Variants in CACNA2D3 observed in about 807,000 individuals in gnomAD.
The protein encoded by CACNA2D3 is voltage-dependent calcium channel subunit alpha-2/delta-3.
Under a neutral mutation model 160.6 loss-of-function variants are expected in CACNA2D3, and 60 were observed. The ratio of observed to expected loss-of-function variants is 0.37; its 90% CI spans 0.30 to 0.46. The LOEUF (loss-of-function observed/expected upper bound fraction) is 0.46, where lower values mean the gene tolerates loss of function less well. CACNA2D3 is among the 20% of genes least tolerant of loss of function. The probability of loss-of-function intolerance (pLI) is 1.00; values close to 1 mark genes in which losing one functional copy is unlikely to be tolerated. For synonymous variants in CACNA2D3, 558 were observed against 492.9 expected, an observed-to-expected ratio of 1.13 and a Z score of -1.75; for missense variants, 1,205 against 1,365.0, an observed-to-expected ratio of 0.88 and a Z score of 1.85.
intron 2 of CACNA2D3, among the ~76,000 whole-genome samples, chr3:54,157,161 T>C (rs1700259022): frequency 6.6e-6 from 1 of 152,180 alleles, no homozygotes; most frequent in African/African-American, 2.4e-5. Flanking sequence ...TCACATGGTC[T>C]TTCCCCTGTG....
intron 27 of CACNA2D3, among the ~76,000 whole-genome samples, chr3:54,946,494 A>T (rs142269734): frequency 6.6e-6 from 1 of 152,180 alleles, no homozygotes; most frequent in Non-Finnish European, 1.5e-5. Context: ...AGGAGGGGGG[A>T]TGTGAGGGCC....
intron 2 of CACNA2D3, among the ~76,000 whole-genome samples, chr3:54,135,921 A>G (rs1404838476): frequency 6.6e-6 from 1 of 152,168 alleles, no homozygotes; most frequent in Non-Finnish European, 1.5e-5. Flanking sequence ...GGCCCGGGCC[A>G]GTGTATTGAG....
chr3:54,186,770 G>A (rs1461152633), intron 2 of CACNA2D3, among the ~76,000 whole-genome samples: 1 of 151,958 alleles, frequency 6.6e-6, no homozygotes, highest in East Asian at 1.9e-4. Context: ...AAATAAAGTG[G>A]GTGAATTAAA....
At chr3:54,539,529 T>A (rs1368677759) in intron 5 of CACNA2D3, among the ~76,000 whole-genome samples, 1 of 152,238 alleles carries the variant, frequency 6.6e-6, no homozygotes, top group East Asian at 1.9e-4. Flanking sequence ...TATTTCCATG[T>A]GAAGGTGTGC....
At chr3:54,227,782 C>T (rs1279566435) in intron 2 of CACNA2D3, among the ~76,000 whole-genome samples, 1 of 152,096 alleles carries the variant, frequency 6.6e-6, no homozygotes, top group Non-Finnish European at 1.5e-5. Context: ...ATTTCCTGAC[C>T]TCGTGATCCA....
intron 2 of CACNA2D3, among the ~76,000 whole-genome samples, chr3:54,254,318 G>A (rs2107429640): frequency 6.6e-6 from 1 of 152,218 alleles, no homozygotes; most frequent in East Asian, 1.9e-4. Context: ...ACAATCCAGT[G>A]CTTCCTCCCT....
intron 2 of CACNA2D3, among the ~76,000 whole-genome samples, chr3:54,206,664 A>G (rs897444710): frequency 4.6e-5 from 7 of 152,146 alleles, no homozygotes; most frequent in African/African-American, 1.7e-4. Context: ...GGTGAGCTAT[A>G]CTAGTAGGCT....
intron 4 of CACNA2D3, among the ~76,000 whole-genome samples, chr3:54,497,137 A>G (rs1210909946): frequency 6.6e-6 from 1 of 152,084 alleles, no homozygotes; most frequent in Non-Finnish European, 1.5e-5. Flanking sequence ...TTTTCAATTT[A>G]TATTAAAAAT....
At chr3:54,443,960 C>T (rs1430248246) in intron 4 of CACNA2D3, among the ~76,000 whole-genome samples, 4 of 152,124 alleles carry the variant, frequency 2.6e-5, no homozygotes, top group African/African-American at 7.2e-5. Context: ...TTCTGGACTT[C>T]CTCATTGTGT....
At chr3:54,346,291 C>G (rs1242276386) in intron 3 of CACNA2D3, among the ~76,000 whole-genome samples, 2 of 152,180 alleles carry the variant, frequency 1.3e-5, no homozygotes, top group African/African-American at 4.8e-5. Flanking sequence ...TGGTCCAACT[C>G]AGCACCAGGG....
chr3:55,073,658 AT>A lies in CACNA2D3; in HGVS notation c.3100+102del, dbSNP rs1265549211. On this transcript the variant is annotated intron_variant, in intron 36 of 37. Coordinates refer to ENST00000474759, the MANE Select transcript of CACNA2D3 (RefSeq NM_018398.3). The stretch of plus-strand genomic sequence containing the variant: ...AGAAATATTAGAGAAGGAAAATTAC[AT>A]CCTTTCCACTGTTGGAGAGAGAGAG... 14 of 1,218,356 alleles carry A rather than the reference AT, an allele frequency of 1.1e-5. No individual in the cohort carries two copies. In the African/African-American group the frequency reaches 2.0e-4, roughly 17 times the overall value. The allele number at this position is 1,218,356 out of a possible 1,614,324, so 75.5% of individuals were successfully genotyped here.
chr3:54,421,998 A>G (rs1699842985), intron 4 of CACNA2D3, among the ~76,000 whole-genome samples: 1 of 151,972 alleles, frequency 6.6e-6, no homozygotes, highest in Non-Finnish European at 1.5e-5. Flanking sequence ...TTGTAGCTTT[A>G]AAAATATGAT....
chr3:54,296,032 T>C (rs1301652239), intron 2 of CACNA2D3, among the ~76,000 whole-genome samples: 1 of 152,160 alleles, frequency 6.6e-6, no homozygotes, highest in East Asian at 1.9e-4. Flanking sequence ...CAGGGTTCAG[T>C]TGGAGGACGT....
intron 5 of CACNA2D3, among the ~76,000 whole-genome samples, chr3:54,528,913 G>T (rs1299027244): frequency 6.6e-6 from 1 of 152,198 alleles, no homozygotes; most frequent in Non-Finnish European, 1.5e-5. Flanking sequence ...TAAGTGGCAC[G>T]ATCCCATGTG....
intron 8 of CACNA2D3, among the ~76,000 whole-genome samples, chr3:54,576,878 A>G (rs758698138): frequency 1.1e-4 from 16 of 152,184 alleles, no homozygotes; most frequent in Non-Finnish European, 1.8e-4. Context: ...TACAAATAAT[A>G]ATAAAAAAAT....
chr3:54,584,867 A>G (rs556124885), intron 9 of CACNA2D3, among the ~76,000 whole-genome samples: 2 of 152,322 alleles, frequency 1.3e-5, no homozygotes, highest in East Asian at 3.9e-4. Flanking sequence ...GTAGCATAGC[A>G]TTTTTCAAAT....
chr3:54,819,462 A>G (rs1014221708), intron 14 of CACNA2D3, among the ~76,000 whole-genome samples: 17 of 152,278 alleles, frequency 1.1e-4, no homozygotes, highest in South Asian at 4.1e-4. Flanking sequence ...CCTCTGCCCA[A>G]TGTTTTGTGA....
At chr3:54,685,035 C>T (rs939331477) in intron 11 of CACNA2D3, among the ~76,000 whole-genome samples, 3 of 152,124 alleles carry the variant, frequency 2.0e-5, no homozygotes, top group Non-Finnish European at 4.4e-5. Flanking sequence ...AATCTATCAA[C>T]TCCTGCATGT....
chr3:54,720,573 G>T (rs1413393646), intron 11 of CACNA2D3, among the ~76,000 whole-genome samples: 1 of 152,072 alleles, frequency 6.6e-6, no homozygotes, highest in Non-Finnish European at 1.5e-5. Flanking sequence ...GCATTCAGCA[G>T]TTGATGAATG....
Sources: gnomAD v4.1 joint callset for allele counts (sites outside exome capture counted in the v4.1 genomes callset) on GRCh38, gnomAD v4.1.1 for gene constraint, MANE v1.5 for transcripts, NCBI Gene and HGNC (gene_info 2026-07-23, HGNC 2026-07-21) for gene names.